PAXIP1: variants seen among roughly 807,000 people sequenced by gnomAD.
PAXIP1 encodes PAX interacting protein 1, also known as PAX-interacting protein 1.
Under a neutral mutation model 140.6 loss-of-function variants are expected in PAXIP1, and 19 were observed. The ratio of observed to expected loss-of-function variants is 0.14; its 90% CI spans 0.09 to 0.20. The LOEUF is 0.20. Ranked by LOEUF, PAXIP1 falls within the 10% of genes least tolerant of loss-of-function variation. The pLI is 1.00. For missense variants in PAXIP1, 920 were observed against 1,208.6 expected, an observed-to-expected ratio of 0.76 and a Z score of 3.54; for synonymous variants, 442 against 444.6, an observed-to-expected ratio of 0.99 and a Z score of 0.07.
At chr7:154,974,237 CATTT>C (rs1214917113) in intron 6 of PAXIP1, 1 of 152,276 alleles carries the variant, frequency 6.6e-6, no homozygotes, top group East Asian at 1.9e-4. Context: ...TCCTCCCATT[CATTT>C]TTTTCTGTCT....
chr7:154,993,096 A>G (rs1810422750), intron 3 of PAXIP1, among the ~76,000 whole-genome samples: 1 of 152,194 alleles, frequency 6.6e-6, no homozygotes, highest in Non-Finnish European at 1.5e-5. Flanking sequence ...TCCTTTTAGG[A>G]TGAAAAGGGA....
At chr7:154,980,560 G>T (rs184240709) in intron 5 of PAXIP1, among the ~76,000 whole-genome samples, 1 of 151,806 alleles carries the variant, frequency 6.6e-6, no homozygotes, top group African/African-American at 2.4e-5. Context: ...GACCACAGGC[G>T]TGAGTCACCA....
At position 154,983,278 on chromosome 7, in the gene PAXIP1, C is replaced by T; in HGVS notation, c.379G>A (p.Asp127Asn). The T allele has an allele frequency of 6.2e-7, 1 of 1,612,958 alleles. No homozygotes were observed. The highest frequency in any genetic ancestry group is 8.5e-7 in the Non-Finnish European group (1 of 1,179,348). ...TTCTTATTGAGGGTTAGCTGGCAAT[C>T]TCCCCCATAGAACGTAACCAAAGCC... is the stretch of plus-strand genomic sequence containing the variant. ...LWALVTFYGG[D>N]CQLTLNKKCT... is the part of the protein sequence containing the mutation. The change falls in exon 5 of 21, where the codon GAT (aspartate) becomes AAT (asparagine). Residue 127 changes from aspartate (D) to asparagine (N), a missense_variant. By Grantham distance (23) the Asp-to-Asn change is conservative (BLOSUM62 1). Around this residue, in one of 5 missense-constraint regions of PAXIP1, gnomAD observed 419 missense variants for 514.7 expected, o/e 0.81. Transcript: ENST00000404141.
chr7:154,988,511 T>C (rs1012207112), intron 4 of PAXIP1, among the ~76,000 whole-genome samples: 2 of 152,162 alleles, frequency 1.3e-5, no homozygotes, highest in Non-Finnish European at 2.9e-5. Context: ...GGAAGACTAA[T>C]AATATTCTTT....
intron 2 of PAXIP1, among the ~76,000 whole-genome samples, chr7:154,997,101 AAAG>A (rs965265072): frequency 1.2e-4 from 19 of 152,318 alleles, no homozygotes; most frequent in African/African-American, 4.6e-4. Flanking sequence ...AACATGTTCC[AAAG>A]AAGAGGGTGC....
chr7:154,945,717 AT>A, intron 20 of PAXIP1: 5 of 985,300 alleles, frequency 5.1e-6, no homozygotes, highest in Non-Finnish European at 6.0e-6. Context: ...TGGAAACAGA[AT>A]TTTCCCATAA....
Position 154,968,613 on chromosome 7 carries a change from G to C in PAXIP1, c.1588C>G (p.Gln530Glu). ...TGGAGCTGCTGCTGCTGAATCTGCT[G>C]TTGCTGCTGCTGCTGGAGCAGGCTG... ...QHSLLQQQQQQQIQQQQLQRM... is the reference protein window; with the variant it reads ...QHSLLQQQQQEQIQQQQLQRM... Residue 530 changes from glutamine (Q) to glutamate (E), a missense_variant, in exon 7 of 21, where the codon CAG (glutamine) becomes GAG (glutamate). This residue lies in a region of PAXIP1 where 133 missense variants were observed against 88.4 expected (regional missense o/e 1.50). Transcript: ENST00000404141. The C allele has an allele frequency of 1.4e-6, 1 of 716,990 alleles. No homozygotes were observed. Among genetic ancestry groups the C allele is most frequent in the South Asian group, 1.5e-5 (1 of 67,494 alleles). 44.4% of individuals were successfully genotyped at this position (716,990 alleles called of 1,614,324 possible). A position where few individuals can be genotyped will look rare whatever the true frequency, so the allele number is the denominator to read the frequency against.
rs1176417550 is a variant in PAXIP1, at chr7:155,002,939, G to C, written c.-10C>G. ...GCGCCTGGTCCGACATGATCGCGGC[G>C]GCCCGGGAGGCTCCGCGGCGGCGCC... On this transcript the variant is annotated 5_prime_UTR_variant, in exon 1 of 21. Coordinates refer to ENST00000404141, the MANE Select transcript of PAXIP1 (RefSeq NM_007349.4). The C allele has an allele frequency of 2.4e-6, 3 of 1,261,706 alleles. No homozygotes were observed. The highest frequency in any genetic ancestry group is 1.0e-6 in the Non-Finnish European group (1 of 977,424). 78.2% of individuals were successfully genotyped at this position (1,261,706 alleles called of 1,614,324 possible). A position where few individuals can be genotyped will look rare whatever the true frequency, so the allele number is the denominator to read the frequency against.
chr7:154,976,211 T>A lies in PAXIP1; in HGVS notation c.559A>T (p.Ile187Phe). The part of the protein sequence containing the change: ...DEAFYHPRLI[I>F]YEEEEEEEEE... ...TCTTCCTCTTCTTCCTCTTCATAAA[T>A]AATCAGACGAGGATGATAAAATGCT... Residue 187 changes from isoleucine to phenylalanine, a missense_variant, in exon 6 of 21, where the codon ATT becomes TTT. Transcript: ENST00000404141. The A allele has an allele frequency of 6.2e-7, 1 of 1,613,412 alleles. No individual in the cohort carries two copies. The highest frequency in any genetic ancestry group is 1.7e-5 in the Admixed American group (1 of 59,936).
At chr7:154,995,174 C>A (rs529340609) in intron 2 of PAXIP1, among the ~76,000 whole-genome samples, 2 of 152,258 alleles carry the variant, frequency 1.3e-5, no homozygotes, top group South Asian at 2.1e-4. Context: ...GAGCCTGGGG[C>A]AATGCACTAC....
At chr7:154,967,076 C>T (rs1206070657) in intron 8 of PAXIP1, among the ~76,000 whole-genome samples, 1 of 152,234 alleles carries the variant, frequency 6.6e-6, no homozygotes, top group Admixed American at 6.5e-5. Context: ...AAGGTCCTTT[C>T]TCAGGCTCTC....
Position 154,976,091 on chromosome 7 carries a change from A to T in PAXIP1, c.679T>A (p.Ser227Thr). ...GAAAACTGCTGGTCACCTGAAGGAGACCCTTCTTGAGAGCTGGCAGGGCTT... is the reference window on the plus strand; with the variant it reads ...GAAAACTGCTGGTCACCTGAAGGAGTCCCTTCTTGAGAGCTGGCAGGGCTT... ...KSSPASSQEG[S>T]PSGDQQFSPK... Residue 227 changes from serine to threonine, a missense_variant, in exon 6 of 21, where the codon TCT (serine) becomes ACT (threonine). This residue lies in a region of PAXIP1 where 419 missense variants were observed against 514.7 expected (regional missense o/e 0.81). Transcript: ENST00000404141. 6.3e-7 allele frequency: 1 copy of T among 1,575,810 alleles called. No homozygotes were observed. Among genetic ancestry groups the T allele is most frequent in the Non-Finnish European group, 8.6e-7 (1 of 1,159,066 alleles).
chr7:154,996,114 C>A lies in PAXIP1; in HGVS notation c.217-2345G>T, dbSNP rs1174975892. On this transcript the variant is annotated intron_variant, in intron 2 of 20. Transcript: ENST00000404141. ...ATGCCTCTAGGGAACCAGGTCTCAG[C>A]CTTCAGTCATATGAATTCAGACTCA... Among the ~76,000 whole-genome samples, 4 of 152,256 alleles carry A rather than the reference C, an allele frequency of 2.6e-5. No homozygotes were observed. The East Asian group carries it at 5.8e-4, about 22-fold the overall frequency.
chr7:154,969,443 T>C (rs1809194715), intron 6 of PAXIP1, among the ~76,000 whole-genome samples: 1 of 152,264 alleles, frequency 6.6e-6, no homozygotes, highest in Non-Finnish European at 1.5e-5. Flanking sequence ...ATGGGAGTCC[T>C]GTGCACACCT....
At chr7:154,971,970 C>T (rs917875980) in intron 6 of PAXIP1, among the ~76,000 whole-genome samples, 1 of 152,152 alleles carries the variant, frequency 6.6e-6, no homozygotes, top group African/African-American at 2.4e-5. Flanking sequence ...TGATCAAATC[C>T]ATTCACTCAC....
Position 154,962,386 on chromosome 7 carries a change from G to T in PAXIP1, c.2062C>A (p.Pro688Thr), listed in dbSNP as rs371102762. The change falls in exon 10 of 21, where the codon CCG becomes ACG. Residue 688 changes from proline (P) to threonine (T), a missense_variant. This residue lies in a region of PAXIP1 where 303 missense variants were observed against 517.9 expected (regional missense o/e 0.59). Transcript: ENST00000404141. Reference sequence around the variant, plus strand: ...GGGAAGTGAAGGGCTCGGTGCGGCGGTACCATTTTCTTCTTCTTTAAGACT... The same window carrying T: ...GGGAAGTGAAGGGCTCGGTGCGGCGTTACCATTTTCTTCTTCTTTAAGACT... ...NTVLKKKKMVPPHRALHFPVA... is the reference protein window; with the variant it reads ...NTVLKKKKMVTPHRALHFPVA... 1 of 1,612,758 alleles carries T rather than the reference G, an allele frequency of 6.2e-7. No homozygotes were observed. Among genetic ancestry groups the T allele is most frequent in the East Asian group, 2.2e-5 (1 of 44,808 alleles).
At chr7:154,977,419 A>G (rs1032703032) in intron 5 of PAXIP1, among the ~76,000 whole-genome samples, 3 of 152,190 alleles carry the variant, frequency 2.0e-5, no homozygotes, top group Non-Finnish European at 4.4e-5. Context: ...TCTGGGTGGA[A>G]TAAGAGTCAC....
Position 154,946,520 on chromosome 7 carries a change from C to T in PAXIP1, c.3125G>A (p.Arg1042Lys). ...TAAGCGGGGAAACGTACCTATGCCT[C>T]TGGCAAAATATTCTCGGCATAAATG... ...DLHLCREYFA[R>K]GIDVHNAEFV... The change falls in exon 19 of 21, where the codon AGA becomes AAA. Residue 1042 changes from arginine to lysine, a missense_variant. By Grantham distance (26) the Arg-to-Lys change is conservative. This residue lies in a region of PAXIP1 where 303 missense variants were observed against 517.9 expected (regional missense o/e 0.59). Transcript: ENST00000404141. This position sits in a 1 kb window ranked among gnomAD's most constrained non-coding sequence, Gnocchi z 4.9. The T allele has an allele frequency of 6.2e-7, 1 of 1,613,922 alleles. No individual in the cohort carries two copies. Among genetic ancestry groups the T allele is most frequent in the Non-Finnish European group, 8.5e-7 (1 of 1,179,802 alleles).
chr7:154,984,257 A>T (rs543630314), intron 4 of PAXIP1, among the ~76,000 whole-genome samples: 1 of 152,368 alleles, frequency 6.6e-6, no homozygotes, highest in African/African-American at 2.4e-5. Flanking sequence ...TTCTAAAAAA[A>T]ATGAAATTTT....
Sources: allele counts gnomAD v4.1 joint callset (sites outside exome capture counted in the v4.1 genomes callset), GRCh38; gene constraint gnomAD v4.1.1; regional missense constraint gnomAD v4.1.1; non-coding constraint Gnocchi (gnomAD v3.1); transcripts MANE v1.5; gene names NCBI Gene and HGNC (gene_info 2026-07-23, HGNC 2026-07-21).